SMNDC1: variants seen among roughly 807,000 people sequenced by gnomAD.
SMNDC1 encodes the protein survival of motor neuron-related-splicing factor 30.
A neutral mutation model predicts 29.2 loss-of-function variants in SMNDC1; 5 were observed. That is an observed-to-expected ratio of 0.17 (90% CI 0.09 to 0.36). The LOEUF (loss-of-function observed/expected upper bound fraction) is 0.36, where lower values mean the gene tolerates loss of function less well. Among genes scored for constraint, SMNDC1 ranks in the 10% least tolerant of loss-of-function variants. The pLI is 1.00. For synonymous variants in SMNDC1, 80 were observed against 89.9 expected, an observed-to-expected ratio of 0.89 and a Z score of 0.62; for missense variants, 142 against 268.5, an observed-to-expected ratio of 0.53 and a Z score of 3.29.
At chr10:110,295,591 A>G (rs1857553103) in intron 4 of SMNDC1, among the ~76,000 whole-genome samples, 1 of 152,092 alleles carries the variant, frequency 6.6e-6, no homozygotes, top group African/African-American at 2.4e-5. Flanking sequence ...GCTTTCAAAC[A>G]TAACTGTAAT....
chr10:110,292,800 CTT>C lies in SMNDC1; in HGVS notation c.*1348_*1349del. ...AAAATTAAAATTCATGAAATAAAAA[CTT>C]ATTTTCCCCTTCCACCAAAAATCTA... On this transcript the variant is annotated 3_prime_UTR_variant, in exon 6 of 6. Transcript: ENST00000369603. The C allele has an allele frequency of 6.6e-6, 1 of 152,204 alleles. No homozygotes were observed. Among genetic ancestry groups the C allele is most frequent in the African/African-American group, 2.4e-5 (1 of 41,530 alleles). The allele number at this position is 152,204 out of a possible 1,614,324, so 9.4% of individuals were successfully genotyped here.
chr10:110,295,448 A>AC, intron 4 of SMNDC1, 67 bp from the exon 5 acceptor site: 1 of 1,315,290 alleles, frequency 7.6e-7, no homozygotes, highest in Non-Finnish European at 1.0e-6. Context: ...CCTTGAAGAC[A>AC]CCGGCAGTGC....
intron 2 of SMNDC1, among the ~76,000 whole-genome samples, chr10:110,301,118 C>A (rs1857640674): frequency 6.6e-6 from 1 of 152,178 alleles, no homozygotes; most frequent in South Asian, 2.1e-4. Context: ...AAATTAGAAA[C>A]CATATGATGG....
In SMNDC1 at chr10:110,298,652, C is replaced by T; in HGVS notation, c.259G>A (p.Gly87Arg). Reference protein sequence around the residue: ...DKCMAVWSEDGQCYEAEIEEI... With the variant: ...DKCMAVWSEDRQCYEAEIEEI... ...AGTTTTTTTTTCTACACTTACTGTC[C>T]ATCTTCACTCCAGACTGCCATACAC... Residue 87 changes from glycine (G) to arginine (R), a missense_variant, in exon 3 of 6, where the codon GGA (glycine) becomes AGA (arginine). By Grantham distance (125) the Gly-to-Arg change is moderately radical. Transcript: ENST00000369603. 6.2e-7 allele frequency: 1 copy of T among 1,606,600 alleles called. No individual in the cohort carries two copies. Among genetic ancestry groups the T allele is most frequent in the Non-Finnish European group, 8.5e-7 (1 of 1,176,756 alleles).
At chr10:110,300,750 G>C (rs1857633651) in intron 2 of SMNDC1, 2 of 984,192 alleles carry the variant, frequency 2.0e-6, no homozygotes, top group Non-Finnish European at 2.4e-6. Context: ...TAATATATGA[G>C]ACAAGTGACT....
At chr10:110,298,063 A>G (rs1036657177) in intron 3 of SMNDC1, among the ~76,000 whole-genome samples, 3 of 152,164 alleles carry the variant, frequency 2.0e-5, no homozygotes, top group African/African-American at 7.2e-5. Context: ...ATCTCAGCTC[A>G]CTTCAACCTC....
At chr10:110,299,512 T>C (rs1457617608) in intron 2 of SMNDC1, among the ~76,000 whole-genome samples, 2 of 152,216 alleles carry the variant, frequency 1.3e-5, no homozygotes, top group African/African-American at 2.4e-5. Flanking sequence ...CTTACATTTA[T>C]TGGCTTCATT....
chr10:110,294,735 GAAGGGCTAC>G (rs977634828), intron 5 of SMNDC1, among the ~76,000 whole-genome samples: 20 of 152,300 alleles, frequency 1.3e-4, no homozygotes, highest in Admixed American at 7.2e-4. Context: ...TCCATCAATG[GAAGGGCTAC>G]CTTGATGGCA....
chr10:110,295,410 GTT>G, intron 4 of SMNDC1, 29 bp from the exon 5 acceptor site: 2 of 1,543,390 alleles, frequency 1.3e-6, no homozygotes, highest in Non-Finnish European at 1.7e-6. Context: ...AATGTCAACT[GTT>G]AAGACTTATC....
chr10:110,295,098 A>C (rs1030557006), intron 5 of SMNDC1, 130 bp downstream of exon 5: 17 of 769,134 alleles, frequency 2.2e-5, no homozygotes, highest in Middle Eastern at 3.8e-4. Context: ...ATTGAGCATC[A>C]ACAAGGATTC....
At position 110,294,035 on chromosome 10, in the gene SMNDC1, TGAC is replaced by T. The variant is rs548275756; in HGVS notation, c.*112_*114del. 2.2e-4 allele frequency: 172 copies of T among 787,550 alleles called. No homozygotes were observed. The African/African-American group carries it at 2.6e-3, about 12-fold the overall frequency. The allele number at this position is 787,550 out of a possible 1,614,324, so 48.8% of individuals were successfully genotyped here. A position where few individuals can be genotyped will look rare whatever the true frequency, so the allele number is the denominator to read the frequency against. ...GTTTCATTCTACTGAAGCCAACCAATGACGACAATGGTATCTTGCTTACTCATC... is the reference window on the plus strand; with the variant it reads ...GTTTCATTCTACTGAAGCCAACCAATGACAATGGTATCTTGCTTACTCATC... On this transcript the variant is annotated 3_prime_UTR_variant, in exon 6 of 6. Transcript: ENST00000369603.
intron 4 of SMNDC1, 143 bp from the exon 5 acceptor site, chr10:110,295,524 G>A (rs1007800361): frequency 9.4e-6 from 5 of 530,136 alleles, no homozygotes; most frequent in Non-Finnish European, 1.2e-5. Context: ...ATTAAAATCA[G>A]TACCAATCAC....
chr10:110,298,502 C>T lies in SMNDC1; in HGVS notation c.263+146G>A. On this transcript the variant is annotated intron_variant, in intron 3 of 5. Coordinates refer to ENST00000369603, the MANE Select transcript of SMNDC1 (RefSeq NM_005871.4). ...TAAAACTAAACTGTATTAATGGCAA[C>T]CACCCAAGAATCAAATTGGCTCTAT... 3 of 592,664 alleles carry T rather than the reference C, an allele frequency of 5.1e-6. 1 individual carries two copies. Among genetic ancestry groups the T allele is most frequent in the Non-Finnish European group, 8.4e-6 (3 of 358,010 alleles). The allele number at this position is 592,664 out of a possible 1,614,324, so 36.7% of individuals were successfully genotyped here.
At chr10:110,297,502 C>T in intron 4 of SMNDC1, 65 bp downstream of exon 4, 1 of 1,446,370 alleles carries the variant, frequency 6.9e-7, no homozygotes, top group Non-Finnish European at 9.5e-7. Flanking sequence ...ATTCTCTCTG[C>T]AGACTACTTC....
At chr10:110,297,773 A>G (rs1209783344) in intron 3 of SMNDC1, 45 bp from the exon 4 acceptor site, 1 of 1,564,452 alleles carries the variant, frequency 6.4e-7, no homozygotes, top group African/African-American at 1.4e-5. Flanking sequence ...AAGGTTTAGT[A>G]CTCAGCCTAC....
chr10:110,299,363 C>A (rs1482597877), intron 2 of SMNDC1, among the ~76,000 whole-genome samples: 1 of 152,166 alleles, frequency 6.6e-6, no homozygotes, highest in African/African-American at 2.4e-5. Flanking sequence ...TCTGGGTAAG[C>A]AAATTACCAG....
In SMNDC1 at chr10:110,291,335, C is replaced by G. The variant is rs1857497397; in HGVS notation, c.*2815G>C. ...CACCCCCTTCCCATTAAGAAACATG[C>G]CCTAGTATACAAATTAGTTCAAACC... is the stretch of plus-strand genomic sequence containing the variant. On this transcript the variant is annotated 3_prime_UTR_variant, in exon 6 of 6. Coordinates refer to ENST00000369603, the MANE Select transcript of SMNDC1 (RefSeq NM_005871.4). The G allele has an allele frequency of 6.6e-6, 1 of 152,104 alleles. No homozygotes were observed. Among genetic ancestry groups the G allele is most frequent in the South Asian group, 2.1e-4 (1 of 4,828 alleles). The allele number at this position is 152,104 out of a possible 1,614,324, so 9.4% of individuals were successfully genotyped here. A position where few individuals can be genotyped will look rare whatever the true frequency, so the allele number is the denominator to read the frequency against.
intron 5 of SMNDC1, among the ~76,000 whole-genome samples, chr10:110,294,686 A>T (rs1857541197): frequency 3.3e-5 from 5 of 152,222 alleles, no homozygotes; most frequent in Non-Finnish European, 7.3e-5. Flanking sequence ...CAAAATAAAC[A>T]TCTTTATGAA....
Position 110,293,671 on chromosome 10 carries a change from T to A in SMNDC1, c.*479A>T, listed in dbSNP as rs1857525507. On this transcript the variant is annotated 3_prime_UTR_variant, in exon 6 of 6. Transcript: ENST00000369603. ...ACTTTGCCATTTACAAATTAACCTA[T>A]CTTTAAGCTTAACTGAACGACAGCT... 6.6e-6 allele frequency: 1 copy of A among 152,254 alleles called. No individual in the cohort carries two copies. Among genetic ancestry groups the A allele is most frequent in the Non-Finnish European group, 1.5e-5 (1 of 68,046 alleles). The allele number at this position is 152,254 out of a possible 1,614,324, so 9.4% of individuals were successfully genotyped here.
Sources: gnomAD v4.1 joint callset for allele counts (sites outside exome capture counted in the v4.1 genomes callset) on GRCh38, gnomAD v4.1.1 for gene constraint, MANE v1.5 for transcripts, NCBI Gene and HGNC (gene_info 2026-07-23, HGNC 2026-07-21) for gene names.